Variants in GALNT10 observed in about 807,000 individuals in gnomAD.
GALNT10 encodes the protein polypeptide N-acetylgalactosaminyltransferase 10.
In GALNT10, 41 loss-of-function variants were observed where a neutral mutation model predicts 75.0. The ratio of observed to expected loss-of-function variants is 0.55; its 90% CI spans 0.43 to 0.71. GALNT10 has a LOEUF of 0.71. Ranked by LOEUF, GALNT10 falls within the 30% of genes least tolerant of loss-of-function variation. The pLI, the probability that GALNT10 is intolerant of heterozygous loss-of-function variation, is 0.00. For synonymous variants in GALNT10, 302 were observed against 313.0 expected, an observed-to-expected ratio of 0.96 and a Z score of 0.37; for missense variants, 727 against 818.5, an observed-to-expected ratio of 0.89 and a Z score of 1.36.
At chr5:154,355,120 G>A (rs1225278531) in intron 4 of GALNT10, among the ~76,000 whole-genome samples, 2 of 152,166 alleles carry the variant, frequency 1.3e-5, no homozygotes, top group Non-Finnish European at 2.9e-5. Flanking sequence ...GCTGGGGTGG[G>A]ACAGATGAGG....
chr5:154,227,520 T>C (rs1199039725), intron 1 of GALNT10, among the ~76,000 whole-genome samples: 1 of 152,252 alleles, frequency 6.6e-6, no homozygotes, highest in Non-Finnish European at 1.5e-5. Flanking sequence ...TTCTTATTAC[T>C]GAATTTTGAG....
chr5:154,190,796 G>T lies in GALNT10; in HGVS notation c.-71G>T. 1 of 821,672 alleles carries T rather than the reference G, an allele frequency of 1.2e-6. No individual in the cohort carries two copies. The highest frequency in any genetic ancestry group is 1.5e-6 in the Non-Finnish European group (1 of 678,082). 50.9% of individuals were successfully genotyped at this position (821,672 alleles called of 1,614,324 possible). On this transcript the variant is annotated 5_prime_UTR_variant, in exon 1 of 12. Coordinates refer to ENST00000297107, the MANE Select transcript of GALNT10 (RefSeq NM_198321.4). ...GCTGAGCTGCTGCCGCCGCCGGGCG[G>T]ACGGGCGGACGCGCGGAGCTGGGGG...
intron 3 of GALNT10, among the ~76,000 whole-genome samples, chr5:154,326,766 C>T (rs1754762579): frequency 6.6e-6 from 1 of 152,094 alleles, no homozygotes; most frequent in Non-Finnish European, 1.5e-5. Context: ...GGAATGACCG[C>T]TAGTACACAC....
At chr5:154,291,008 C>T (rs190648860) in intron 1 of GALNT10, among the ~76,000 whole-genome samples, 33 of 152,248 alleles carry the variant, frequency 2.2e-4, no homozygotes, top group Admixed American at 2.0e-3. Context: ...ACCAATGAGA[C>T]CTAAAACAGC....
intron 2 of GALNT10, 26 bp downstream of exon 2, chr5:154,294,944 G>A (rs368761801): frequency 3.4e-4 from 376 of 1,096,832 alleles, no homozygotes; most frequent in Non-Finnish European, 4.8e-4. Context: ...TTGGCCATGG[G>A]TGGGCTCTGT....
At chr5:154,406,995 G>A (rs1307137299) in intron 8 of GALNT10, among the ~76,000 whole-genome samples, 1 of 152,214 alleles carries the variant, frequency 6.6e-6, no homozygotes, top group African/African-American at 2.4e-5. Context: ...AGTTCAGGAA[G>A]GATGAGCTGT....
chr5:154,414,170 G>A (rs1242463574), intron 10 of GALNT10, among the ~76,000 whole-genome samples: 1 of 152,154 alleles, frequency 6.6e-6, no homozygotes, highest in African/African-American at 2.4e-5. Flanking sequence ...GTATGCTGCT[G>A]GTGGGAGTGT....
At chr5:154,362,988 A>G (rs1315114199) in intron 4 of GALNT10, among the ~76,000 whole-genome samples, 2 of 152,186 alleles carry the variant, frequency 1.3e-5, no homozygotes, top group African/African-American at 4.8e-5. Context: ...TGGGCAGAAG[A>G]ACTCTCTCCC....
chr5:154,312,631 T>C (rs1470631452), intron 3 of GALNT10, among the ~76,000 whole-genome samples: 1 of 152,256 alleles, frequency 6.6e-6, no homozygotes, highest in African/African-American at 2.4e-5. Flanking sequence ...ACAGTTCCTC[T>C]GTAGACAGAC....
chr5:154,329,418 A>G (rs1164725718), intron 3 of GALNT10, 154 bp from the exon 4 acceptor site: 1 of 622,978 alleles, frequency 1.6e-6, no homozygotes, highest in South Asian at 1.9e-5. Context: ...GTCATGTAGA[A>G]GTTCCTGTGT....
intron 1 of GALNT10, among the ~76,000 whole-genome samples, chr5:154,199,905 A>C (rs1482447495): frequency 2.6e-5 from 4 of 152,130 alleles, no homozygotes. Context: ...ACTACTTCCT[A>C]GTGTCATGGT....
At chr5:154,203,657 T>C (rs1269156882) in intron 1 of GALNT10, among the ~76,000 whole-genome samples, 1 of 152,200 alleles carries the variant, frequency 6.6e-6, no homozygotes, top group East Asian at 1.9e-4. Context: ...TGTACAACTG[T>C]GGTGGCGTGA....
chr5:154,235,212 C>G (rs1753226234), intron 1 of GALNT10, among the ~76,000 whole-genome samples: 2 of 152,302 alleles, frequency 1.3e-5, no homozygotes, highest in South Asian at 4.2e-4. Context: ...TCTCCTTTAT[C>G]ACCAGAAATG....
At chr5:154,337,955 G>A (rs1245439312) in intron 4 of GALNT10, 20 of 1,574,616 alleles carry the variant, frequency 1.3e-5, no homozygotes, top group East Asian at 6.7e-5. Context: ...TCTTATCCAC[G>A]GAGTCATGGT....
At chr5:154,228,745 G>T (rs1319573818) in intron 1 of GALNT10, among the ~76,000 whole-genome samples, 2 of 152,224 alleles carry the variant, frequency 1.3e-5, no homozygotes, top group African/African-American at 4.8e-5. Context: ...ACCTTGCGTG[G>T]ACTCTGGGCT....
At chr5:154,280,449 T>C (rs1465698573) in intron 1 of GALNT10, among the ~76,000 whole-genome samples, 1 of 152,190 alleles carries the variant, frequency 6.6e-6, no homozygotes, top group African/African-American at 2.4e-5. Context: ...AGGTTTGAGG[T>C]GATGGATATG....
At chr5:154,296,226 A>G (rs1332399868) in intron 2 of GALNT10, among the ~76,000 whole-genome samples, 2 of 152,178 alleles carry the variant, frequency 1.3e-5, no homozygotes, top group African/African-American at 4.8e-5. Flanking sequence ...AGCTGGGATT[A>G]CAGACCTGTG....
In GALNT10 at chr5:154,409,059, A is replaced by G. The variant is rs947223639; in HGVS notation, c.1165-482A>G. Among the ~76,000 whole-genome samples the G allele has an allele frequency of 6.6e-6, 1 of 152,170 alleles. No homozygotes were observed. The highest frequency in any genetic ancestry group is 2.1e-4 in the South Asian group (1 of 4,836). On this transcript the variant is annotated intron_variant, in intron 8 of 11. Coordinates refer to ENST00000297107, the MANE Select transcript of GALNT10 (RefSeq NM_198321.4). The surrounding 1 kb of genome is among the most constrained non-coding windows in gnomAD (Gnocchi z 4.5). ...GCATCCTGTCTTACCCAGCAATCCA[A>G]GCAGAAACAGAACGATTCTTCCAAT...
chr5:154,343,251 T>C (rs191940160), intron 4 of GALNT10, among the ~76,000 whole-genome samples: 2 of 152,094 alleles, frequency 1.3e-5, no homozygotes, highest in African/African-American at 4.8e-5. Context: ...TGGTAGAAGC[T>C]CTCAAGAGAT....
Sources: gnomAD v4.1 joint callset for allele counts (sites outside exome capture counted in the v4.1 genomes callset) on GRCh38, gnomAD v4.1.1 for gene constraint, Gnocchi (gnomAD v3.1) non-coding constraint, MANE v1.5 for transcripts, NCBI Gene and HGNC (gene_info 2026-07-23, HGNC 2026-07-21) for gene names.